The following NPHP3 variants were observed in gnomAD, a reference collection of about 807,000 sequenced individuals.
NPHP3 encodes nephrocystin-3.
A neutral mutation model predicts 171.9 loss-of-function variants in NPHP3; 123 were observed. The observed-to-expected ratio is 0.72, with a 90% CI of 0.62 to 0.83. NPHP3 has a LOEUF of 0.83. Among genes scored for constraint, NPHP3 ranks in the 40% least tolerant of loss-of-function variants. The pLI is 0.00. For missense variants in NPHP3, 1,506 were observed against 1,591.9 expected (o/e 0.95, Z 0.92); for synonymous variants, 558 against 579.2 (o/e 0.96, Z 0.52).
chr3:132,689,270 C>T lies in NPHP3; in HGVS notation c.2694-7G>A. ...CAACTCAGCAAAGTGTCCCCTGTTT[C>T]AACAAATAACAGTACTTTAATGAAA... On this transcript the variant is annotated splice_region_variant and splice_polypyrimidine_tract_variant and intron_variant, in intron 19 of 26. Coordinates refer to ENST00000337331, the MANE Select transcript of NPHP3 (RefSeq NM_153240.5). The T allele has an allele frequency of 6.2e-7, 1 of 1,613,758 alleles. No homozygotes were observed. Among genetic ancestry groups the T allele is most frequent in the Non-Finnish European group, 8.5e-7 (1 of 1,179,676 alleles).
At chr3:132,717,021 A>C in intron 3 of NPHP3, 112 bp from the exon 4 acceptor site, 1 of 1,169,180 alleles carries the variant, frequency 8.6e-7, no homozygotes, top group African/African-American at 1.5e-5. Flanking sequence ...AATATTACAA[A>C]TATTCAAATG....
intron 15 of NPHP3, among the ~76,000 whole-genome samples, chr3:132,695,912 C>A (rs897761968): frequency 6.6e-6 from 1 of 152,060 alleles, no homozygotes. Flanking sequence ...CCAGCCTGGG[C>A]AACAGAGAGT....
chr3:132,700,481 G>T (rs371511867), intron 10 of NPHP3, 33 bp from the exon 11 acceptor site: 1 of 1,316,270 alleles, frequency 7.6e-7, no homozygotes, highest in South Asian at 1.2e-5. Context: ...TTATAAAACC[G>T]ATAAAGTTCC....
In NPHP3 at chr3:132,684,575, A is replaced by G. The variant is rs540661517; in HGVS notation, c.3549T>C (p.Leu1183=). ...HPSLAYTVKH[L]AILYKKMGKL... is the part of the protein sequence containing the mutation. Reference sequence around the variant, plus strand: ...TTACCATTTTCTTATACAAGATGGCAAGATGCTTCACCGTATATGCCAAAG... The same window carrying G: ...TTACCATTTTCTTATACAAGATGGCGAGATGCTTCACCGTATATGCCAAAG... The change falls in exon 24 of 27, where the codon CTT becomes CTC. Residue 1183 remains leucine, a synonymous_variant. Transcript: ENST00000337331. 1 of 1,614,098 alleles carries G rather than the reference A, an allele frequency of 6.2e-7. No homozygotes were observed. Among genetic ancestry groups the G allele is most frequent in the South Asian group, 1.1e-5 (1 of 91,076 alleles).
At chr3:132,685,085 G>T in intron 23 of NPHP3, 1 of 341,106 alleles carries the variant, frequency 2.9e-6, no homozygotes. Flanking sequence ...AAAATTATTA[G>T]ACCTAGGTCC....
rs1377517716 is a variant in NPHP3, at chr3:132,684,742, C to T, written c.3382G>A (p.Gly1128Arg). 2.5e-6 allele frequency: 4 copies of T among 1,613,886 alleles called. No individual in the cohort carries two copies. The highest frequency in any genetic ancestry group is 3.4e-6 in the Non-Finnish European group (4 of 1,179,980). The change falls in exon 24 of 27, where the codon GGA becomes AGA. Residue 1128 changes from glycine to arginine, a missense_variant. Physicochemically the swap from Gly to Arg is moderately radical, Grantham distance 125. Around this residue, in one of 3 missense-constraint regions of NPHP3, gnomAD observed 569 missense variants for 648.1 expected, o/e 0.88. Transcript: ENST00000337331. ...TGAGCACAGTCAGGGTGATCTGGTC[C>T]TAGAACTCGCTCCCTCATTTCTAAG... is the stretch of plus-strand genomic sequence containing the variant. The part of the protein sequence containing the change: ...RSLEMRERVL[G>R]PDHPDCAQSL...
chr3:132,699,199 T>C (rs1286988918), intron 13 of NPHP3, among the ~76,000 whole-genome samples, 154 bp downstream of exon 13: 2 of 152,192 alleles, frequency 1.3e-5, no homozygotes, highest in African/African-American at 4.8e-5. Flanking sequence ...ATTCTATAGA[T>C]TGTATTTTTT....
At chr3:132,702,214 T>C (rs1458059013) in intron 9 of NPHP3, among the ~76,000 whole-genome samples, 1 of 152,096 alleles carries the variant, frequency 6.6e-6, no homozygotes, top group Non-Finnish European at 1.5e-5. Context: ...GCAGAAGACC[T>C]TGAAGGTACT....
In NPHP3 at chr3:132,722,192, G is replaced by C; in HGVS notation, c.164C>G (p.Ala55Gly). The C allele has an allele frequency of 6.6e-7, 1 of 1,508,872 alleles. No individual in the cohort carries two copies. The allele number at this position is 1,508,872 out of a possible 1,614,324, so 93.5% of individuals were successfully genotyped here. The change falls in exon 1 of 27, where the codon GCC (alanine) becomes GGC (glycine). Residue 55 changes from alanine to glycine, a missense_variant. Ala to Gly is a moderately conservative substitution (Grantham distance 60). This residue lies in a region of NPHP3 where 930 missense variants were observed against 924.9 expected (regional missense o/e 1.01). Transcript: ENST00000337331. The part of the protein sequence containing the change: ...FRRGAGAAAG[A>G]GPGSLPRGVG... ...CCCGCGGGGCAGCGACCCGGGCCCG[G>C]CCCCTGCTGCCGCCCCCGCGCCTCG...
chr3:132,685,766 T>C (rs1939138261), intron 23 of NPHP3: 1 of 158,074 alleles, frequency 6.3e-6, no homozygotes, highest in Non-Finnish European at 1.4e-5. Context: ...TAAGAAACAA[T>C]GTGGGCCAGG....
intron 19 of NPHP3, among the ~76,000 whole-genome samples, chr3:132,689,964 GAA>G: frequency 6.6e-6 from 1 of 152,118 alleles, no homozygotes; most frequent in Non-Finnish European, 1.5e-5. Flanking sequence ...AAGTAAGGCA[GAA>G]AAAAACCCTC....
In NPHP3 at chr3:132,704,207, T is replaced by C. The variant is rs1411856886; in HGVS notation, c.1515A>G (p.Gly505=). The change falls in exon 9 of 27, where the codon GGA becomes GGG. Residue 505 remains glycine, a synonymous_variant. Coordinates refer to ENST00000337331, the MANE Select transcript of NPHP3 (RefSeq NM_153240.5). ...TACTCCAAGCACTTACTTTCTCAAA[T>C]CCCAACTCATGGGCTGAATTAGAAG... ...QQASNSAHEL[G]FEKYYQRLND... is the part of the protein sequence containing the mutation. The C allele has an allele frequency of 2.5e-6, 4 of 1,614,176 alleles. No homozygotes were observed. Among genetic ancestry groups the C allele is most frequent in the Non-Finnish European group, 8.5e-7 (1 of 1,180,018 alleles).
chr3:132,696,753 G>C lies in NPHP3; in HGVS notation c.2149C>G (p.Leu717Val), dbSNP rs1334217634. The C allele has an allele frequency of 3.1e-6, 5 of 1,614,006 alleles. No homozygotes were observed. In the African/African-American group the frequency reaches 5.3e-5, roughly 17 times the overall value. The change falls in exon 15 of 27, where the codon CTT becomes GTT. Residue 717 changes from leucine (L) to valine (V), a missense_variant. Leu to Val is a conservative substitution (Grantham distance 32). Transcript: ENST00000337331. The part of the protein sequence containing the change: ...ATTCNALYVT[L>V]FGKMIARAGR... ...CACCGCGCGATCATTTTGCCGAAAA[G>C]GGTGACATAAAGGGCATTGCAGGTT...
intron 11 of NPHP3, 134 bp downstream of exon 11, chr3:132,700,200 A>G: frequency 8.1e-7 from 1 of 1,236,102 alleles, no homozygotes; most frequent in Non-Finnish European, 1.2e-6. Context: ...TGTATCGAAT[A>G]TTATTTTTAA....
chr3:132,713,323 T>C (rs1489895294), intron 5 of NPHP3, 37 bp from the exon 6 acceptor site: 8 of 1,455,302 alleles, frequency 5.5e-6, no homozygotes, highest in African/African-American at 2.8e-5. Context: ...GTTTAATGTA[T>C]TTAACTAAAG....
chr3:132,682,659 T>A, intron 26 of NPHP3, 44 bp downstream of exon 26: 1 of 1,105,156 alleles, frequency 9.0e-7, no homozygotes, highest in East Asian at 2.4e-5. Flanking sequence ...CAAAGCTACT[T>A]CGAATAAAAG....
chr3:132,684,658 C>A lies in NPHP3; in HGVS notation c.3466G>T (p.Glu1156Ter). ...NEKKQYDKAE[E>*]LYERALDIRR... is the part of the protein sequence containing the mutation. ...ATATCTAAAGCTCTTTCATAAAGTT[C>A]TTCTGCTTTATCATACTGTTTCTTT... Residue 1156 changes from glutamate (E) to a stop codon, truncating the protein, a stop_gained, in exon 24 of 27, where the codon GAA becomes TAA. Coordinates refer to ENST00000337331, the MANE Select transcript of NPHP3 (RefSeq NM_153240.5). LOFTEE classifies it high-confidence loss of function. 1.9e-6 allele frequency: 3 copies of A among 1,614,052 alleles called. No individual in the cohort carries two copies. Among genetic ancestry groups the A allele is most frequent in the South Asian group, 1.1e-5 (1 of 91,070 alleles).
chr3:132,700,684 C>A (rs1312743811), intron 10 of NPHP3, among the ~76,000 whole-genome samples: 1 of 151,890 alleles, frequency 6.6e-6, no homozygotes, highest in Non-Finnish European at 1.5e-5. Context: ...TTAACAGAAA[C>A]CAAAGTACTT....
At chr3:132,703,247 T>C (rs867117414) in intron 9 of NPHP3, among the ~76,000 whole-genome samples, 84 of 152,356 alleles carry the variant, frequency 5.5e-4, no homozygotes, top group South Asian at 1.0e-3. Context: ...TAGTAAATGA[T>C]GGAACCAGGA....
Sources: gnomAD v4.1 joint callset for allele counts (sites outside exome capture counted in the v4.1 genomes callset) on GRCh38, gnomAD v4.1.1 for gene constraint, gnomAD v4.1.1 regional missense constraint, MANE v1.5 for transcripts, NCBI Gene and HGNC (gene_info 2026-07-23, HGNC 2026-07-21) for gene names.